The following APOBEC1 variants were observed in gnomAD, a reference collection of about 807,000 sequenced individuals.
APOBEC1 encodes apolipoprotein B mRNA editing enzyme catalytic subunit 1, also known as C->U-editing enzyme APOBEC-1.
Under a neutral mutation model 26.3 loss-of-function variants are expected in APOBEC1, and 22 were observed. The observed-to-expected ratio is 0.84, with a 90% confidence interval of 0.60 to 1.19. The LOEUF (loss-of-function observed/expected upper bound fraction) is 1.19. APOBEC1 is among the 50% of genes most tolerant of loss of function. The pLI is 0.00. For synonymous variants in APOBEC1, 77 were observed against 95.3 expected (o/e 0.81, Z 1.12); for missense variants, 253 against 289.0 (o/e 0.88, Z 0.90).
chr12:7,660,378 A>AGG (rs1257234032), intron 1 of APOBEC1, among the ~76,000 whole-genome samples: 200 of 100,686 alleles, frequency 2.0e-3, no homozygotes, highest in African/African-American at 4.2e-3. Context: ...GAAGGAAGGA[A>AGG]AGAAAGAAAG....
At chr12:7,659,347 A>T (rs1455991543) in intron 1 of APOBEC1, among the ~76,000 whole-genome samples, 1 of 101,324 alleles carries the variant, frequency 9.9e-6, no homozygotes, top group Non-Finnish European at 2.0e-5. Flanking sequence ...ATATATATAT[A>T]TATGTTTATA....
chr12:7,669,195 C>CTT (rs201005757), upstream of APOBEC1, among the ~76,000 whole-genome samples: 2 of 141,040 alleles, frequency 1.4e-5, no homozygotes, highest in African/African-American at 5.2e-5. Context: ...TCAGCTTTTC[C>CTT]TTTTTTTTTT....
chr12:7,654,103 G>A (rs1863682230), intron 2 of APOBEC1, among the ~76,000 whole-genome samples: 2 of 151,990 alleles, frequency 1.3e-5, no homozygotes, highest in Non-Finnish European at 1.5e-5. Context: ...ATTATAAAAC[G>A]AAGATGAAGT....
Position 7,658,204 on chromosome 12 carries a change from C to T in APOBEC1, c.17-3572G>A, listed in dbSNP as rs769881325. ...TGAGCCTCCCAAGTAGCTGGGATTA[C>T]AGGCATGTGTCACCACACCCGGCTA... On this transcript the variant is annotated intron_variant, in intron 1 of 4. Transcript: ENST00000229304. 2.0e-5 allele frequency among the ~76,000 whole-genome samples: 3 copies of T among 152,240 alleles called. No homozygotes were observed. In the East Asian group the frequency reaches 5.8e-4, roughly 29 times the overall value.
rs74058990 is a variant in APOBEC1 at position 7,649,771 on chromosome 12, A to T, written c.562-75T>A. On this transcript the variant is annotated intron_variant, in intron 4 of 4. Coordinates refer to ENST00000229304, the MANE Select transcript of APOBEC1 (RefSeq NM_001644.5). ...AATAATATTATCACCACAAACATTTAAAAATGTCAGTTGGAAGACGATTTA... is the reference window on the plus strand; with the variant it reads ...AATAATATTATCACCACAAACATTTTAAAATGTCAGTTGGAAGACGATTTA... 5,203 of 1,158,620 alleles carry T rather than the reference A, an allele frequency of 4.5e-3. 114 individuals carry two copies. In the African/African-American group the frequency reaches 0.06, roughly 13 times the overall value. The allele number at this position is 1,158,620 out of a possible 1,614,324, so 71.8% of individuals were successfully genotyped here. A position where few individuals can be genotyped will look rare whatever the true frequency, so the allele number is the denominator to read the frequency against.
intron 1 of APOBEC1, among the ~76,000 whole-genome samples, chr12:7,659,338 T>TATATAC (rs1565441900): frequency 9.9e-6 from 1 of 101,484 alleles, no homozygotes; most frequent in African/African-American, 3.8e-5. Context: ...TATATATATA[T>TATATAC]ATATATATAT....
chr12:7,665,716 A>G, intron 1 of APOBEC1, 141 bp downstream of exon 1: 1 of 843,936 alleles, frequency 1.2e-6, no homozygotes, highest in African/African-American at 1.7e-5. Flanking sequence ...AATAATAGGG[A>G]AGTTTGAAAA....
At chr12:7,669,891 G>A (rs1454350343), upstream of APOBEC1, among the ~76,000 whole-genome samples, 1 of 151,984 alleles carries the variant, frequency 6.6e-6, no homozygotes, top group Non-Finnish European at 1.5e-5. Flanking sequence ...AAAATTAAAT[G>A]CAATGAACAT....
chr12:7,656,702 T>C (rs1318608264), intron 1 of APOBEC1, among the ~76,000 whole-genome samples: 2 of 152,196 alleles, frequency 1.3e-5, no homozygotes, highest in African/African-American at 4.8e-5. Context: ...ATGTAGACCC[T>C]AAGATTGCCT....
chr12:7,655,083 C>T (rs1863694442), intron 1 of APOBEC1, among the ~76,000 whole-genome samples: 2 of 152,116 alleles, frequency 1.3e-5, no homozygotes, highest in Admixed American at 1.3e-4. Flanking sequence ...ATTGCGGGCA[C>T]CTATAATCCC....
At chr12:7,670,073 T>G (rs144258762), upstream of APOBEC1, among the ~76,000 whole-genome samples, 216 of 139,340 alleles carry the variant, frequency 1.6e-3, 13 homozygotes, top group African/African-American at 5.5e-3. Flanking sequence ...AACCTCCTCC[T>G]CCCGGGTTCA....
intron 3 of APOBEC1, among the ~76,000 whole-genome samples, chr12:7,652,084 A>C (rs957783034): frequency 2.0e-5 from 3 of 152,028 alleles, no homozygotes; most frequent in Non-Finnish European, 4.4e-5. Context: ...GGCCTCCCAA[A>C]GTGCTGGGAT....
intron 1 of APOBEC1, among the ~76,000 whole-genome samples, chr12:7,663,290 T>C (rs1863845862): frequency 6.6e-6 from 1 of 152,150 alleles, no homozygotes; most frequent in Non-Finnish European, 1.5e-5. Flanking sequence ...AGAAAGGACT[T>C]GGGCATGGCA....
rs1163730869 is a variant in APOBEC1, at chr12:7,659,294, C to CA, written c.17-4663dup. 9.9e-3 allele frequency among the ~76,000 whole-genome samples: 164 copies of CA among 16,544 alleles called. 17 individuals carry two copies. Among genetic ancestry groups the CA allele is most frequent in the East Asian group, 0.017 (9 of 530 alleles). The allele number at this position is 16,544 out of a possible 152,430, so 10.9% of individuals were successfully genotyped here. A position where few individuals can be genotyped will look rare whatever the true frequency, so the allele number is the denominator to read the frequency against. On this transcript the variant is annotated intron_variant, in intron 1 of 4. Coordinates refer to ENST00000229304, the MANE Select transcript of APOBEC1 (RefSeq NM_001644.5). ...GGGCAACAAGAGTGAAACTCCCTCT[C>CA]AAAAAAAAAAAAAAAAAAAAAAAAA...
chr12:7,665,141 A>G (rs1361821876), intron 1 of APOBEC1, among the ~76,000 whole-genome samples: 6 of 152,176 alleles, frequency 3.9e-5, no homozygotes, highest in African/African-American at 1.4e-4. Flanking sequence ...TTCAGCCTGA[A>G]GTGTTCTTCC....
intron 1 of APOBEC1, among the ~76,000 whole-genome samples, chr12:7,658,793 A>C (rs1395053739): frequency 2.0e-5 from 3 of 151,352 alleles, no homozygotes; most frequent in African/African-American, 7.3e-5. Context: ...TCTCTACTAA[A>C]AATACAAAAA....
intron 3 of APOBEC1, 68 bp downstream of exon 3, chr12:7,652,370 G>T: frequency 1.4e-6 from 2 of 1,421,260 alleles, no homozygotes; most frequent in Non-Finnish European, 1.9e-6. Flanking sequence ...CAATCTTCTG[G>T]CCTAAAAACA....
chr12:7,665,752 G>GACACACACAC lies in APOBEC1; in HGVS notation c.16+95_16+104dup, dbSNP rs60124402. On this transcript the variant is annotated intron_variant, in intron 1 of 4. Transcript: ENST00000229304. ...CACCCACAGATGCAAGAATCAGCAG[G>GACACACACAC]ACACACACACACACACACACACACA... is the stretch of plus-strand genomic sequence containing the variant. 6,089 of 774,438 alleles carry GACACACACAC rather than the reference G, an allele frequency of 7.9e-3. 101 individuals are homozygous for GACACACACAC. The highest frequency in any genetic ancestry group is 0.018 in the East Asian group (503 of 28,634). The allele number at this position is 774,438 out of a possible 1,614,324, so 48.0% of individuals were successfully genotyped here.
chr12:7,669,379 T>C (rs1393909083), upstream of APOBEC1, among the ~76,000 whole-genome samples: 1 of 152,148 alleles, frequency 6.6e-6, no homozygotes, highest in African/African-American at 2.4e-5. Context: ...TGCTACGATT[T>C]GTATATTCTT....
Sources: allele counts gnomAD v4.1 joint callset (sites outside exome capture counted in the v4.1 genomes callset), GRCh38; gene constraint gnomAD v4.1.1; transcripts MANE v1.5; gene names NCBI Gene and HGNC (gene_info 2026-07-23, HGNC 2026-07-21).